CELF3: variants seen among roughly 807,000 people sequenced by gnomAD.
The protein encoded by CELF3 is CAG repeat domain.
In CELF3, 26 loss-of-function variants were observed where a neutral mutation model predicts 59.6. The ratio of observed to expected loss-of-function variants is 0.44; its 90% CI spans 0.32 to 0.61. The LOEUF is 0.61. CELF3 is among the 20% of genes least tolerant of loss of function. The pLI, the probability that CELF3 is intolerant of heterozygous loss-of-function variation, is 0.06. For missense variants in CELF3, 387 were observed against 627.2 expected, an observed-to-expected ratio of 0.62 and a Z score of 4.09; for synonymous variants, 245 against 250.7, an observed-to-expected ratio of 0.98 and a Z score of 0.22.
chr1:151,709,517 A>C lies in CELF3; in HGVS notation c.278-169T>G. 4 of 1,052,654 alleles carry C rather than the reference A, an allele frequency of 3.8e-6. No individual in the cohort carries two copies. Among genetic ancestry groups the C allele is most frequent in the Non-Finnish European group, 5.6e-6 (4 of 710,458 alleles). 65.2% of individuals were successfully genotyped at this position (1,052,654 alleles called of 1,614,324 possible). ...TGGGGTATAGTTGCAGAGGGTGCTC[A>C]TCCCAGCTCTGAGGGACTCGCACTC... is the stretch of plus-strand genomic sequence containing the variant. On this transcript the variant is annotated intron_variant, in intron 3 of 12. Transcript: ENST00000290583. The surrounding 1 kb of genome is among the most constrained non-coding windows in gnomAD (Gnocchi z 4.9).
intron 12 of CELF3, among the ~76,000 whole-genome samples, chr1:151,704,291 A>G (rs1484790424): frequency 6.6e-6 from 1 of 152,154 alleles, no homozygotes; most frequent in Non-Finnish European, 1.5e-5. Flanking sequence ...GTGTTTTCTC[A>G]AGGGTTTGGT....
At chr1:151,715,696 C>T (rs116265747) in intron 1 of CELF3, 180 bp downstream of exon 1, 90,006 of 1,539,692 alleles carry the variant, frequency 0.058, 3,076 homozygotes, top group Non-Finnish European at 0.068. Context: ...AGTCCTTCAC[C>T]GGGGTTTCCT....
rs1410328282 is a variant in CELF3, at chr1:151,701,759, A to C, written c.*1700T>G. On this transcript the variant is annotated 3_prime_UTR_variant, in exon 13 of 13. Transcript: ENST00000290583. Reference sequence around the variant, plus strand: ...CAAGACCCTGTCTACAAAAAAAAACACCATTTTTAAAAATGAGCTGGGCGT... The same window carrying C: ...CAAGACCCTGTCTACAAAAAAAAACCCCATTTTTAAAAATGAGCTGGGCGT... 6.6e-6 allele frequency among the ~76,000 whole-genome samples: 1 copy of C among 151,896 alleles called. No homozygotes were observed. Among genetic ancestry groups the C allele is most frequent in the African/African-American group, 2.4e-5 (1 of 41,348 alleles).
In CELF3 at chr1:151,709,125, C is replaced by A. The variant is rs371600910; in HGVS notation, c.407-48G>T. 7 of 1,605,576 alleles carry A rather than the reference C, an allele frequency of 4.4e-6. No homozygotes were observed. In the South Asian group the frequency reaches 4.4e-5, roughly 10 times the overall value. ...GGAGAGGGGTAAGCACCCATCCCTG[C>A]GGGACCCCGCGGTGGAACCCGATGC... On this transcript the variant is annotated intron_variant, in intron 4 of 12. Coordinates refer to ENST00000290583, the MANE Select transcript of CELF3 (RefSeq NM_007185.7). This position sits in a 1 kb window ranked among gnomAD's most constrained non-coding sequence, Gnocchi z 4.9.
At chr1:151,710,444 T>C (rs1419213132) in intron 2 of CELF3, 2 of 317,972 alleles carry the variant, frequency 6.3e-6, no homozygotes, top group South Asian at 4.9e-5. Context: ...TCACTTCTGC[T>C]GCTCCACACA....
chr1:151,707,119 C>T lies in CELF3; in HGVS notation c.922+26G>A, dbSNP rs777289450. 4.0e-5 allele frequency: 59 copies of T among 1,457,184 alleles called. No individual in the cohort carries two copies. The Admixed American group carries it at 5.1e-4, about 13-fold the overall frequency. 90.3% of individuals were successfully genotyped at this position (1,457,184 alleles called of 1,614,324 possible). A position where few individuals can be genotyped will look rare whatever the true frequency, so the allele number is the denominator to read the frequency against. ...GTGGTGGTTTAGATGGTTGCTGGGA[C>T]GGAGTGGGCAGGCAGAGAGTCCCAC... On this transcript the variant is annotated intron_variant, in intron 8 of 12. Coordinates refer to ENST00000290583, the MANE Select transcript of CELF3 (RefSeq NM_007185.7).
chr1:151,715,315 C>T (rs1400646258), intron 1 of CELF3, among the ~76,000 whole-genome samples: 1 of 152,080 alleles, frequency 6.6e-6, no homozygotes, highest in African/African-American at 2.4e-5. Context: ...TTCTCCCCCA[C>T]TCTCTTAACT....
In CELF3 at chr1:151,701,280, CAG is replaced by C. The variant is rs1030539564; in HGVS notation, c.*2177_*2178del. ...TGGTGCTGCTTACTAATGATGAAGACAGAGGGTGGGGTAGCAGCCTAGAAGCA... is the reference window on the plus strand; with the variant it reads ...TGGTGCTGCTTACTAATGATGAAGACAGGGTGGGGTAGCAGCCTAGAAGCA... On this transcript the variant is annotated 3_prime_UTR_variant, in exon 13 of 13. Coordinates refer to ENST00000290583, the MANE Select transcript of CELF3 (RefSeq NM_007185.7). 3.3e-5 allele frequency: 5 copies of C among 152,144 alleles called. No individual in the cohort carries two copies. The highest frequency in any genetic ancestry group is 9.7e-5 in the African/African-American group (4 of 41,420). The allele number at this position is 152,144 out of a possible 1,614,324, so 9.4% of individuals were successfully genotyped here.
Position 151,709,628 on chromosome 1 carries a change from G to C in CELF3, c.277+115C>G. 1 of 1,146,250 alleles carries C rather than the reference G, an allele frequency of 8.7e-7. No individual in the cohort carries two copies. The highest frequency in any genetic ancestry group is 1.3e-6 in the Non-Finnish European group (1 of 759,236). The allele number at this position is 1,146,250 out of a possible 1,614,324, so 71.0% of individuals were successfully genotyped here. A position where few individuals can be genotyped will look rare whatever the true frequency, so the allele number is the denominator to read the frequency against. The stretch of plus-strand genomic sequence containing the variant: ...CTGACTCCTATCTCACCGCAGCTGG[G>C]AACTCTTCAGAATCATCAGGCTTTC... On this transcript the variant is annotated intron_variant, in intron 3 of 12. Transcript: ENST00000290583. The surrounding 1 kb of genome is among the most constrained non-coding windows in gnomAD (Gnocchi z 4.9).
In CELF3 at chr1:151,706,286, G is replaced by A. The variant is rs1672526414; in HGVS notation, c.1064C>T (p.Pro355Leu). Residue 355 changes from proline (P) to leucine (L), a missense_variant, in exon 10 of 13, where the codon CCA becomes CTA. By Grantham distance (98) the Pro-to-Leu change is moderately conservative. Around this residue, in one of 3 missense-constraint regions of CELF3, gnomAD observed 131 missense variants for 153.7 expected, o/e 0.85. Coordinates refer to ENST00000290583, the MANE Select transcript of CELF3 (RefSeq NM_007185.7). Reference protein sequence around the residue: ...QPPALVAQQPPPPPQQQQQQQ... With the variant: ...QPPALVAQQPLPPPQQQQQQQ... ...CTGCTGCTGCTGTTGAGGTGGTGGTGGGGGCTGCTGGGCGACCAGGGCTGG... is the reference window on the plus strand; with the variant it reads ...CTGCTGCTGCTGTTGAGGTGGTGGTAGGGGCTGCTGGGCGACCAGGGCTGG... 6.4e-7 allele frequency: 1 copy of A among 1,569,700 alleles called. No homozygotes were observed. Among genetic ancestry groups the A allele is most frequent in the Non-Finnish European group, 8.6e-7 (1 of 1,157,926 alleles).
Position 151,706,600 on chromosome 1 carries a change from A to G in CELF3, c.988+69T>C, listed in dbSNP as rs892276005. 9.6e-6 allele frequency: 14 copies of G among 1,463,452 alleles called. No individual in the cohort carries two copies. In the Admixed American group the frequency reaches 2.8e-4, roughly 29 times the overall value. The allele number at this position is 1,463,452 out of a possible 1,614,324, so 90.7% of individuals were successfully genotyped here. A position where few individuals can be genotyped will look rare whatever the true frequency, so the allele number is the denominator to read the frequency against. ...GCAGGGAGCCAAGAAGCCCAGACCC[A>G]GTTACTGGGCCTCTTTTCCTCCTGC... On this transcript the variant is annotated intron_variant, in intron 9 of 12. Transcript: ENST00000290583.
chr1:151,714,302 C>T (rs1230560035), intron 2 of CELF3: 5 of 579,876 alleles, frequency 8.6e-6, no homozygotes, highest in Non-Finnish European at 1.5e-5. Context: ...ACCTTCCAAC[C>T]AGCGAGTCCT....
Position 151,707,668 on chromosome 1 carries a change from G to T in CELF3, c.631-20C>A. 1 of 1,602,032 alleles carries T rather than the reference G, an allele frequency of 6.2e-7. No homozygotes were observed. Among genetic ancestry groups the T allele is most frequent in the Non-Finnish European group, 8.5e-7 (1 of 1,176,316 alleles). ...CATCAGCTGGGGGGAGGGGAGAGGA[G>T]AGTGGGGCAGGCCCCCTGTGCCCAA... On this transcript the variant is annotated intron_variant, in intron 6 of 12. Transcript: ENST00000290583.
At chr1:151,714,730 C>T (rs1673322907) in intron 1 of CELF3, 54 bp from the exon 2 acceptor site, 1 of 1,276,124 alleles carries the variant, frequency 7.8e-7, no homozygotes, top group Non-Finnish European at 1.1e-6. Flanking sequence ...CTCCATCTCC[C>T]CTCTCTGAAA....
At position 151,700,735 on chromosome 1, in the gene CELF3, A is replaced by G. The variant is rs1249137429; in HGVS notation, c.*2724T>C. On this transcript the variant is annotated 3_prime_UTR_variant, in exon 13 of 13. Coordinates refer to ENST00000290583, the MANE Select transcript of CELF3 (RefSeq NM_007185.7). ...AAAGTTTGTGGAAGTGAAATCTTAA[A>G]TGATTTAATACCATTGAGTTTATGC... Among the ~76,000 whole-genome samples, 1 of 152,236 alleles carries G rather than the reference A, an allele frequency of 6.6e-6. No individual in the cohort carries two copies. The highest frequency in any genetic ancestry group is 2.4e-5 in the African/African-American group (1 of 41,460).
At chr1:151,703,713 AAAAT>A (rs1332540316) in intron 12 of CELF3, among the ~76,000 whole-genome samples, 2 of 152,126 alleles carry the variant, frequency 1.3e-5, no homozygotes, top group Admixed American at 6.5e-5. Context: ...GCCCATGAGA[AAAAT>A]AAAGACTGGA....
chr1:151,706,731 T>G lies in CELF3; in HGVS notation c.926A>C (p.Gln309Pro). 1 of 1,549,184 alleles carries G rather than the reference T, an allele frequency of 6.5e-7. No homozygotes were observed. Among genetic ancestry groups the G allele is most frequent in the Non-Finnish European group, 8.7e-7 (1 of 1,145,730 alleles). The change falls in exon 9 of 13, where the codon CAG (glutamine) becomes CCG (proline). Residue 309 changes from glutamine to proline, a missense_variant. Gln to Pro is a moderately conservative substitution (Grantham distance 76). Around this residue, in one of 3 missense-constraint regions of CELF3, gnomAD observed 131 missense variants for 153.7 expected, o/e 0.85. Transcript: ENST00000290583. ...YPNGVHPYPA[Q>P]SPAAPVDPLQ... Reference sequence around the variant, plus strand: ...GGGGTCCACGGGGGCCGCGGGGCTCTGGGCTGGGGAGAGCAGCACAGACTA... The same window carrying G: ...GGGGTCCACGGGGGCCGCGGGGCTCGGGGCTGGGGAGAGCAGCACAGACTA...
chr1:151,707,290 G>C lies in CELF3; in HGVS notation c.777C>G (p.Thr259=), dbSNP rs1260576511. Residue 259 remains threonine (T), a synonymous_variant, in exon 8 of 13, where the codon ACC becomes ACG. Coordinates refer to ENST00000290583, the MANE Select transcript of CELF3 (RefSeq NM_007185.7). Reference sequence around the variant, plus strand: ...TGGCAGCGATGGCAGGAGGGGTGCTGGTTCCTGGGGAGGAGAAAGCGACAG... The same window carrying C: ...TGGCAGCGATGGCAGGAGGGGTGCTCGTTCCTGGGGAGGAGAAAGCGACAG... ...IATPITPSSG[T]STPPAIAATP... is the part of the protein sequence containing the mutation. 1.3e-6 allele frequency: 2 copies of C among 1,569,012 alleles called. No homozygotes were observed. The highest frequency in any genetic ancestry group is 2.0e-5 in the Admixed American group (1 of 50,728).
chr1:151,716,292 C>G lies in CELF3; in HGVS notation c.-272G>C. The G allele has an allele frequency of 7.0e-6, 3 of 430,326 alleles. No homozygotes were observed. The highest frequency in any genetic ancestry group is 1.2e-5 in the Non-Finnish European group (3 of 240,122). The allele number at this position is 430,326 out of a possible 1,614,324, so 26.7% of individuals were successfully genotyped here. On this transcript the variant is annotated 5_prime_UTR_variant, in exon 1 of 13. Transcript: ENST00000290583. Reference sequence around the variant, plus strand: ...AACGATCTCCCTCCCAGAGATCTGGCAAATGTCCCAGGATGGGGGTGAGTA... The same window carrying G: ...AACGATCTCCCTCCCAGAGATCTGGGAAATGTCCCAGGATGGGGGTGAGTA...
Sources: gnomAD v4.1 joint callset for allele counts (sites outside exome capture counted in the v4.1 genomes callset) on GRCh38, gnomAD v4.1.1 for gene constraint, gnomAD v4.1.1 regional missense constraint, Gnocchi (gnomAD v3.1) non-coding constraint, MANE v1.5 for transcripts, NCBI Gene and HGNC (gene_info 2026-07-23, HGNC 2026-07-21) for gene names.